The following WWOX variants were observed in gnomAD, a reference collection of about 807,000 sequenced individuals.
WWOX encodes the protein WW domain containing oxidoreductase, also known as WW domain-containing oxidoreductase.
WWOX carries 69 observed loss-of-function variants against 46.2 expected under a neutral mutation model. That is an observed-to-expected ratio of 1.49 (90% confidence interval 1.23 to 1.82). WWOX has a LOEUF of 1.82. Among genes scored for constraint, WWOX ranks in the 40% most tolerant of loss-of-function variants. The probability of loss-of-function intolerance (pLI) is 0.00; values close to 1 mark genes in which losing one functional copy is unlikely to be tolerated. For missense variants in WWOX, 919 were observed against 542.6 expected (o/e 1.69, Z -6.89); for synonymous variants, 359 against 202.6 (o/e 1.77, Z -6.56).
At chr16:78,493,107 T>C (rs2738716) in intron 8 of WWOX, among the ~76,000 whole-genome samples, 117,166 of 152,006 alleles carry the variant, frequency 0.77, 46,519 homozygotes, top group Admixed American at 0.87. Flanking sequence ...AATTTTAGGT[T>C]TGGTGATTTA....
intron 1 of WWOX, chr16:78,100,157 G>A: frequency 7.7e-7 from 1 of 1,305,950 alleles, no homozygotes; most frequent in Non-Finnish European, 9.8e-7. Flanking sequence ...AGGGCAAAGC[G>A]GCCTCATCCC....
chr16:78,779,948 A>G (rs1273413170), intron 8 of WWOX, among the ~76,000 whole-genome samples: 2 of 152,188 alleles, frequency 1.3e-5, no homozygotes, highest in African/African-American at 2.4e-5. Context: ...CAATAATGAA[A>G]AGCTACCAGA....
At chr16:78,928,673 T>A (rs68023243) in intron 8 of WWOX, among the ~76,000 whole-genome samples, 21,681 of 149,912 alleles carry the variant, frequency 0.14, 1,936 homozygotes, top group African/African-American at 0.26. Context: ...GAAAAAAAAA[T>A]AATAGGAAAG....
chr16:78,931,563 A>G (rs74370548), intron 8 of WWOX, among the ~76,000 whole-genome samples: 4,936 of 152,328 alleles, frequency 0.032, 239 homozygotes, highest in African/African-American at 0.1. Context: ...CAATGAGTAC[A>G]TGATCCTTGA....
intron 8 of WWOX, among the ~76,000 whole-genome samples, chr16:78,913,386 C>T (rs1036731814): frequency 2.6e-5 from 4 of 151,978 alleles, no homozygotes; most frequent in East Asian, 1.9e-4. Flanking sequence ...TGTTGGAAGA[C>T]GAGACGTTGG....
At chr16:78,946,443 G>A (rs540203447) in intron 8 of WWOX, among the ~76,000 whole-genome samples, 56 of 152,160 alleles carry the variant, frequency 3.7e-4, no homozygotes, top group East Asian at 7.8e-4. Flanking sequence ...TGCTCACGTC[G>A]GCCTCCCAGA....
intron 5 of WWOX, among the ~76,000 whole-genome samples, chr16:78,205,060 C>G (rs545002709): frequency 7.4e-4 from 112 of 152,246 alleles, no homozygotes; most frequent in African/African-American, 2.6e-3. Context: ...GAACATGGGG[C>G]TTAAATCAGT....
chr16:78,938,169 A>G (rs1048503830), intron 8 of WWOX, among the ~76,000 whole-genome samples: 2 of 152,176 alleles, frequency 1.3e-5, no homozygotes, highest in Non-Finnish European at 2.9e-5. Context: ...TCTGGGAAAG[A>G]CACAGGATGG....
intron 8 of WWOX, among the ~76,000 whole-genome samples, chr16:78,917,348 C>G (rs2045275999): frequency 6.6e-6 from 1 of 152,184 alleles, no homozygotes; most frequent in Non-Finnish European, 1.5e-5. Context: ...CTCAAATAAA[C>G]ATCCTTTAAA....
intron 8 of WWOX, among the ~76,000 whole-genome samples, chr16:78,955,516 C>T (rs191701011): frequency 6.6e-6 from 1 of 152,312 alleles, no homozygotes; most frequent in East Asian, 1.9e-4. Context: ...CTCGTGTAAG[C>T]ACACCAGGCT....
chr16:78,104,718 A>T (rs1255335255), intron 1 of WWOX, among the ~76,000 whole-genome samples: 1 of 152,234 alleles, frequency 6.6e-6, no homozygotes, highest in Non-Finnish European at 1.5e-5. Context: ...TTTTCTCTTC[A>T]TTAAAAAGTC....
intron 5 of WWOX, among the ~76,000 whole-genome samples, chr16:78,219,129 TGATAGA>T (rs1450547954): frequency 7.9e-5 from 12 of 152,046 alleles, no homozygotes; most frequent in African/African-American, 2.9e-4. Flanking sequence ...CCCTCCTACA[TGATAGA>T]GACTAGGTGA....
At chr16:78,805,377 C>T (rs902016874) in intron 8 of WWOX, among the ~76,000 whole-genome samples, 1 of 152,158 alleles carries the variant, frequency 6.6e-6, no homozygotes, top group South Asian at 2.1e-4. Flanking sequence ...TCTCCTGTCT[C>T]AGCCTCCGGA....
chr16:78,124,820 T>C (rs980076363), intron 4 of WWOX, among the ~76,000 whole-genome samples: 3 of 152,208 alleles, frequency 2.0e-5, no homozygotes, highest in Admixed American at 6.5e-5. Flanking sequence ...CATAGTCATA[T>C]GGTGCTCTCT....
chr16:78,885,418 G>C (rs2044434514), intron 8 of WWOX, among the ~76,000 whole-genome samples: 1 of 152,130 alleles, frequency 6.6e-6, no homozygotes, highest in African/African-American at 2.4e-5. Flanking sequence ...ATATTGATTT[G>C]TTAGAAAATA....
chr16:78,906,737 A>C (rs1443269594), intron 8 of WWOX, among the ~76,000 whole-genome samples: 2 of 152,186 alleles, frequency 1.3e-5, no homozygotes, highest in Admixed American at 1.3e-4. Flanking sequence ...TTAAGCTCTG[A>C]AAGTTCCTTT....
intron 5 of WWOX, among the ~76,000 whole-genome samples, chr16:78,178,863 CA>C (rs5818110): frequency 4.0e-4 from 55 of 138,824 alleles, no homozygotes; most frequent in Admixed American, 7.3e-4. Flanking sequence ...GATTCCGTCT[CA>C]AAAAAAAAAA....
At chr16:78,910,508 T>G (rs1172097795) in intron 8 of WWOX, among the ~76,000 whole-genome samples, 2 of 11,766 alleles carry the variant, frequency 1.7e-4, no homozygotes, top group African/African-American at 4.2e-4. Context: ...GATCTTTTGT[T>G]TTTTTTTTTT....
chr16:79,137,793 C>G (rs996172737), intron 8 of WWOX, among the ~76,000 whole-genome samples: 2 of 152,074 alleles, frequency 1.3e-5, no homozygotes, highest in Non-Finnish European at 2.9e-5. Context: ...TCCTTGTATC[C>G]TTAATGACTT....
Sources: allele counts gnomAD v4.1 joint callset (sites outside exome capture counted in the v4.1 genomes callset), GRCh38; gene constraint gnomAD v4.1.1; transcripts MANE v1.5; gene names NCBI Gene and HGNC (gene_info 2026-07-23, HGNC 2026-07-21).